The following DIAPH3 variants were observed in gnomAD, a reference collection of about 807,000 sequenced individuals.
The protein encoded by DIAPH3 is protein diaphanous homolog 3.
A neutral mutation model predicts 144.3 loss-of-function variants in DIAPH3; 117 were observed. The observed-to-expected ratio is 0.81, with a 90% confidence interval of 0.70 to 0.95. The LOEUF is 0.95. DIAPH3 is among the 40% of genes least tolerant of loss of function. The pLI, the probability that DIAPH3 is intolerant of heterozygous loss-of-function variation, is 0.00. For missense variants in DIAPH3, 1,421 were observed against 1,412.7 expected (o/e 1.01, Z -0.09); for synonymous variants, 519 against 488.9 (o/e 1.06, Z -0.81).
At chr13:59,975,352 G>A (rs1398323472) in intron 14 of DIAPH3, among the ~76,000 whole-genome samples, 1 of 151,840 alleles carries the variant, frequency 6.6e-6, no homozygotes, top group Non-Finnish European at 1.5e-5. Flanking sequence ...AGTTTATAAA[G>A]GGAATCTTAC....
At chr13:60,094,637 C>T (rs933496068) in intron 3 of DIAPH3, among the ~76,000 whole-genome samples, 5 of 152,122 alleles carry the variant, frequency 3.3e-5, no homozygotes, top group African/African-American at 1.2e-4. Context: ...AGAATGGATC[C>T]ATAAAATTCA....
chr13:60,044,629 G>A (rs577618272), intron 4 of DIAPH3, among the ~76,000 whole-genome samples: 28 of 152,200 alleles, frequency 1.8e-4, no homozygotes, highest in Non-Finnish European at 2.9e-4. Flanking sequence ...CAGGAACAAA[G>A]GTGCCTCAAA....
At chr13:60,078,126 G>C (rs2057435875) in intron 4 of DIAPH3, among the ~76,000 whole-genome samples, 2 of 152,036 alleles carry the variant, frequency 1.3e-5, no homozygotes, top group African/African-American at 4.8e-5. Flanking sequence ...ATTCACAAAA[G>C]TAATACTCTT....
At chr13:59,777,688 T>C (rs1363110028) in intron 25 of DIAPH3, among the ~76,000 whole-genome samples, 1 of 152,088 alleles carries the variant, frequency 6.6e-6, no homozygotes, top group Admixed American at 6.5e-5. Context: ...ATATTTAACT[T>C]GAATCTGAAT....
intron 27 of DIAPH3, among the ~76,000 whole-genome samples, chr13:59,738,775 G>C (rs2036290428): frequency 6.6e-6 from 1 of 152,138 alleles, no homozygotes; most frequent in Non-Finnish European, 1.5e-5. Flanking sequence ...ATCTGTTCCA[G>C]TAACAGTTAC....
intron 25 of DIAPH3, among the ~76,000 whole-genome samples, chr13:59,806,478 C>T (rs981611314): frequency 2.6e-5 from 4 of 151,922 alleles, no homozygotes; most frequent in African/African-American, 9.7e-5. Flanking sequence ...TTTTATTAAA[C>T]AATATTTAAA....
At chr13:59,828,899 G>T (rs2041615453) in intron 24 of DIAPH3, among the ~76,000 whole-genome samples, 1 of 151,692 alleles carries the variant, frequency 6.6e-6, no homozygotes, top group African/African-American at 2.4e-5. Context: ...ATTCCCAGTT[G>T]AGAATTCTCA....
chr13:59,983,134 ATCTT>A (rs1566610197), intron 13 of DIAPH3, among the ~76,000 whole-genome samples: 1 of 84,834 alleles, frequency 1.2e-5, no homozygotes, highest in African/African-American at 4.9e-5. Context: ...ATAATGCTTT[ATCTT>A]TAAAAAAAAA....
chr13:60,088,373 T>G (rs1414275459), intron 4 of DIAPH3, among the ~76,000 whole-genome samples: 1 of 152,106 alleles, frequency 6.6e-6, no homozygotes, highest in Non-Finnish European at 1.5e-5. Flanking sequence ...TTGGTTCTCC[T>G]TTCCTATCTA....
intron 27 of DIAPH3, among the ~76,000 whole-genome samples, chr13:59,690,198 G>A (rs1436508479): frequency 2.0e-5 from 3 of 152,178 alleles, no homozygotes; most frequent in Middle Eastern, 3.4e-3. Context: ...TTGTCTGTGA[G>A]CACTTTATGC....
At chr13:60,066,954 A>G (rs1260856447) in intron 4 of DIAPH3, among the ~76,000 whole-genome samples, 1 of 152,218 alleles carries the variant, frequency 6.6e-6, no homozygotes, top group Non-Finnish European at 1.5e-5. Context: ...ATGGAAGTAT[A>G]TAATTGGTAT....
At position 59,768,658 on chromosome 13, in the gene DIAPH3, A is replaced by G. The variant is rs142819720; in HGVS notation, c.3319+5531T>C. On this transcript the variant is annotated intron_variant, in intron 27 of 27. Coordinates refer to ENST00000400324, the MANE Select transcript of DIAPH3 (RefSeq NM_001042517.2). ...CATCTTGTGTGCCTCCCTTAGAAAA[A>G]TATGCTAATTCAAAGATATCTAACC... Among the ~76,000 whole-genome samples, 61 of 152,278 alleles carry G rather than the reference A, an allele frequency of 4.0e-4. No homozygotes were observed. The East Asian group carries it at 0.011, about 28-fold the overall frequency.
chr13:60,137,368 T>C (rs2059311392), intron 1 of DIAPH3, among the ~76,000 whole-genome samples: 1 of 152,232 alleles, frequency 6.6e-6, no homozygotes, highest in Non-Finnish European at 1.5e-5. Flanking sequence ...TTCAGAGAAC[T>C]GTGCTAAATG....
chr13:60,114,649 A>T (rs1018320726), intron 2 of DIAPH3, among the ~76,000 whole-genome samples: 1 of 149,912 alleles, frequency 6.7e-6, no homozygotes, highest in Non-Finnish European at 1.5e-5. Context: ...AAAGACACAC[A>T]CACACACACA....
chr13:59,947,627 G>C (rs2140419871), intron 17 of DIAPH3, among the ~76,000 whole-genome samples: 1 of 152,060 alleles, frequency 6.6e-6, no homozygotes, highest in South Asian at 2.1e-4. Context: ...CTACTCAGGA[G>C]GCTGAGGTGG....
chr13:59,931,541 A>T (rs2048017807), intron 17 of DIAPH3, among the ~76,000 whole-genome samples: 1 of 152,154 alleles, frequency 6.6e-6, no homozygotes. Flanking sequence ...CTCCATTAGA[A>T]GATAAGATCC....
rs528153005 is a variant in DIAPH3 at position 59,725,188 on chromosome 13, A to G, written c.3319+49001T>C. Among the ~76,000 whole-genome samples the G allele has an allele frequency of 2.0e-5, 3 of 152,336 alleles. No individual in the cohort carries two copies. In the South Asian group the frequency reaches 6.2e-4, roughly 32 times the overall value. On this transcript the variant is annotated intron_variant, in intron 27 of 27. Transcript: ENST00000400324. ...GCAATTTGCTGACTAGAAAATGACT[A>G]TATTTTCAATCAGCCTAATATGGCA... is the stretch of plus-strand genomic sequence containing the variant.
chr13:60,048,496 A>T (rs1400354547), intron 4 of DIAPH3, among the ~76,000 whole-genome samples: 1 of 152,234 alleles, frequency 6.6e-6, no homozygotes, highest in East Asian at 1.9e-4. Flanking sequence ...ACAACAAATG[A>T]GGGAGTGCTA....
chr13:59,836,863 G>T (rs187347739), intron 23 of DIAPH3, among the ~76,000 whole-genome samples: 58 of 147,716 alleles, frequency 3.9e-4, no homozygotes, highest in African/African-American at 1.5e-3. Context: ...CAAACTTTAA[G>T]TATATTTTAT....
Sources: allele counts gnomAD v4.1 joint callset (sites outside exome capture counted in the v4.1 genomes callset), GRCh38; gene constraint gnomAD v4.1.1; transcripts MANE v1.5; gene names NCBI Gene and HGNC (gene_info 2026-07-23, HGNC 2026-07-21).